The following SAP30BP variants were observed in gnomAD, a reference collection of about 807,000 sequenced individuals.
SAP30BP encodes SAP30-binding protein.
Under a neutral mutation model 46.3 loss-of-function variants are expected in SAP30BP, and 31 were observed. That is an observed-to-expected ratio of 0.67 (90% CI 0.50 to 0.90). The LOEUF (loss-of-function observed/expected upper bound fraction) is 0.90. Ranked by LOEUF, SAP30BP falls within the 40% of genes least tolerant of loss-of-function variation. The pLI is 0.00. For synonymous variants in SAP30BP, 169 were observed against 144.2 expected (o/e 1.17, Z -1.23); for missense variants, 312 against 391.0 (o/e 0.80, Z 1.70).
In SAP30BP at chr17:75,692,473, G is replaced by A. The variant is rs191865540; in HGVS notation, c.265-967G>A. 405 of 985,458 alleles carry A rather than the reference G, an allele frequency of 4.1e-4. 2 individuals are homozygous for A. Among genetic ancestry groups the A allele is most frequent in the Non-Finnish European group, 4.6e-4 (385 of 829,938 alleles). 61.0% of individuals were successfully genotyped at this position (985,458 alleles called of 1,614,324 possible). ...AGCACGTGTGGCCCTTGAGATTGTT[G>A]ATCTAACTGGCTTTGAGGGGCTGGG... On this transcript the variant is annotated intron_variant, in intron 3 of 10. Transcript: ENST00000584667.
chr17:75,703,168 G>A (rs147498183), intron 6 of SAP30BP, 143 bp from the exon 7 acceptor site: 4 of 703,914 alleles, frequency 5.7e-6, no homozygotes, highest in East Asian at 2.7e-5. Context: ...GGAGAGTGGA[G>A]GGCCATCAGG....
chr17:75,669,405 T>C (rs2059875554), intron 2 of SAP30BP, among the ~76,000 whole-genome samples: 1 of 152,104 alleles, frequency 6.6e-6, no homozygotes, highest in Admixed American at 6.6e-5. Flanking sequence ...CCATCACGCC[T>C]GGCTAATTTT....
At chr17:75,673,320 C>A (rs1487538530) in intron 3 of SAP30BP, among the ~76,000 whole-genome samples, 1 of 152,194 alleles carries the variant, frequency 6.6e-6, no homozygotes, top group Non-Finnish European at 1.5e-5. Flanking sequence ...TGCCTGAGAA[C>A]TGGCAAGATG....
intron 3 of SAP30BP, among the ~76,000 whole-genome samples, chr17:75,681,098 A>G (rs1414519929): frequency 2.0e-5 from 3 of 152,208 alleles, no homozygotes; most frequent in Non-Finnish European, 4.4e-5. Flanking sequence ...TTCAGACACT[A>G]AGTATTACTG....
At chr17:75,674,396 G>A (rs1340691906) in intron 3 of SAP30BP, among the ~76,000 whole-genome samples, 1 of 152,034 alleles carries the variant, frequency 6.6e-6, no homozygotes, top group Non-Finnish European at 1.5e-5. Context: ...CTGGGTTCAA[G>A]CGATTCTCCT....
intron 4 of SAP30BP, among the ~76,000 whole-genome samples, chr17:75,699,012 C>T (rs1004446842): frequency 6.6e-5 from 10 of 152,072 alleles, no homozygotes; most frequent in South Asian, 2.1e-4. Context: ...GGCAACATAA[C>T]GAGACCCCAT....
At chr17:75,695,547 C>G (rs566984347) in intron 4 of SAP30BP, among the ~76,000 whole-genome samples, 1 of 152,128 alleles carries the variant, frequency 6.6e-6, no homozygotes, top group Non-Finnish European at 1.5e-5. Flanking sequence ...TAAGCGGCAT[C>G]GTTTTGATTA....
At chr17:75,684,707 C>G (rs149501738) in intron 3 of SAP30BP, 2 of 152,174 alleles carry the variant, frequency 1.3e-5, no homozygotes, top group Admixed American at 6.5e-5. Flanking sequence ...AGTGGCTGTG[C>G]TGGGAAGAAC....
intron 3 of SAP30BP, among the ~76,000 whole-genome samples, chr17:75,682,856 A>G (rs939742395): frequency 1.3e-5 from 2 of 150,480 alleles, no homozygotes; most frequent in Non-Finnish European, 1.5e-5. Context: ...CCAGCTACTC[A>G]GGAGGCTGAG....
At chr17:75,703,653 G>C (rs1270933562) in intron 7 of SAP30BP, 155 bp from the exon 8 acceptor site, 1 of 731,970 alleles carries the variant, frequency 1.4e-6, no homozygotes, top group Admixed American at 2.2e-5. Context: ...ATGTTCTTCA[G>C]CACTTGCCAG....
At chr17:75,704,944 C>T (rs2060472266) in intron 9 of SAP30BP, 130 bp downstream of exon 9, 1 of 743,214 alleles carries the variant, frequency 1.3e-6, no homozygotes, top group Admixed American at 2.0e-5. Flanking sequence ...ATGCTCTGAG[C>T]CTCTCAGCAG....
At chr17:75,704,712 C>CTGCTCGGGGGCCACCTTTG (rs2060468277) in intron 8 of SAP30BP, 44 bp from the exon 9 acceptor site, 2 of 1,469,522 alleles carry the variant, frequency 1.4e-6, no homozygotes, top group Non-Finnish European at 1.9e-6. Context: ...CAGCCCAGAG[C>CTGCTCGGGGGCCACCTTTG]TGCTCGGGGG....
intron 3 of SAP30BP, among the ~76,000 whole-genome samples, chr17:75,674,977 A>G (rs2059968778): frequency 6.6e-6 from 1 of 152,132 alleles, no homozygotes; most frequent in Admixed American, 6.5e-5. Flanking sequence ...GGCTGGGATT[A>G]GAGCTGTGAG....
chr17:75,674,690 G>GTTTGTTTTTTTTTTTTTT (rs2059958498), intron 3 of SAP30BP, among the ~76,000 whole-genome samples: 2 of 39,578 alleles, frequency 5.1e-5, no homozygotes, highest in Non-Finnish European at 6.2e-5. Context: ...TTTTTTGTTT[G>GTTTGTTTTTTTTTTTTTT]TTTTTTGTTT....
intron 4 of SAP30BP, among the ~76,000 whole-genome samples, chr17:75,698,895 A>T (rs1388755951): frequency 1.3e-5 from 2 of 152,188 alleles, no homozygotes; most frequent in African/African-American, 4.8e-5. Flanking sequence ...TCTTTCCTTA[A>T]AAGTTAACCA....
rs551715130 is a variant in SAP30BP, at chr17:75,684,965, G to A, written c.265-8475G>A. Among the ~76,000 whole-genome samples, 4 of 152,240 alleles carry A rather than the reference G, an allele frequency of 2.6e-5. No individual in the cohort carries two copies. In the South Asian group the frequency reaches 6.2e-4, roughly 24 times the overall value. On this transcript the variant is annotated intron_variant, in intron 3 of 10. Coordinates refer to ENST00000584667, the MANE Select transcript of SAP30BP (RefSeq NM_013260.8). ...TGGAAGTTGTGATCTCATGCAAAGGGGAACAATGACCATTATTCTCCCTCT... is the reference window on the plus strand; with the variant it reads ...TGGAAGTTGTGATCTCATGCAAAGGAGAACAATGACCATTATTCTCCCTCT...
intron 3 of SAP30BP, among the ~76,000 whole-genome samples, chr17:75,676,826 A>C (rs2059997173): frequency 6.6e-6 from 1 of 152,186 alleles, no homozygotes; most frequent in Middle Eastern, 3.2e-3. Flanking sequence ...TTATAAATTA[A>C]ACTTTATCAT....
chr17:75,671,954 CACTGACAAACTGTGCAACTGTGTGG>C, intron 3 of SAP30BP, 91 bp downstream of exon 3: 1 of 1,024,610 alleles, frequency 9.8e-7, no homozygotes, highest in Non-Finnish European at 1.6e-6. Flanking sequence ...AGATCTGTCC[CACTGACAAACTGTGCAACTGTGTGG>C]ACATTTTCTG....
At chr17:75,671,957 T>C in intron 3 of SAP30BP, 94 bp downstream of exon 3, 1 of 986,450 alleles carries the variant, frequency 1.0e-6, no homozygotes, top group Non-Finnish European at 1.6e-6. Flanking sequence ...TCTGTCCCAC[T>C]GACAAACTGT....
Sources: gnomAD v4.1 joint callset for allele counts (sites outside exome capture counted in the v4.1 genomes callset) on GRCh38, gnomAD v4.1.1 for gene constraint, MANE v1.5 for transcripts, NCBI Gene and HGNC (gene_info 2026-07-23, HGNC 2026-07-21) for gene names.